TRHDE: variants seen among roughly 807,000 people sequenced by gnomAD.
TRHDE encodes the protein thyrotropin-releasing hormone-degrading ectoenzyme.
TRHDE carries 72 observed loss-of-function variants against 125.7 expected under a neutral mutation model. The ratio of observed to expected loss-of-function variants is 0.57; its 90% CI spans 0.47 to 0.70. TRHDE has a LOEUF of 0.70. TRHDE is among the 30% of genes least tolerant of loss of function. The pLI is 0.00. For synonymous variants in TRHDE, 509 were observed against 509.1 expected, an observed-to-expected ratio of 1.00 and a Z score of 0.00; for missense variants, 1,110 against 1,327.1, an observed-to-expected ratio of 0.84 and a Z score of 2.54.
chr12:72,395,948 T>A (rs1049983436), intron 3 of TRHDE, among the ~76,000 whole-genome samples: 9 of 152,068 alleles, frequency 5.9e-5, no homozygotes, highest in Admixed American at 3.3e-4. Context: ...ACAAAAGCAA[T>A]CAAAAGTAAA....
intron 7 of TRHDE, among the ~76,000 whole-genome samples, chr12:72,545,581 C>CT (rs1396996238): frequency 4.0e-5 from 6 of 151,420 alleles, no homozygotes; most frequent in Non-Finnish European, 7.4e-5. Context: ...GAGTGACTCC[C>CT]TTTTTTTGAA....
intron 2 of TRHDE, among the ~76,000 whole-genome samples, chr12:72,229,239 G>T (rs371584118): frequency 2.6e-5 from 4 of 152,120 alleles, no homozygotes; most frequent in African/African-American, 9.7e-5. Context: ...CATACGGGTG[G>T]GGAGGCCTCA....
At chr12:72,158,297 C>T (rs554839329) in intron 2 of TRHDE, among the ~76,000 whole-genome samples, 2 of 151,756 alleles carry the variant, frequency 1.3e-5, no homozygotes, top group Non-Finnish European at 2.9e-5. Flanking sequence ...TAAACCAGCA[C>T]TTGTACCCCG....
At chr12:72,589,210 A>G (rs1272142500) in intron 12 of TRHDE, among the ~76,000 whole-genome samples, 2 of 152,208 alleles carry the variant, frequency 1.3e-5, no homozygotes, top group African/African-American at 4.8e-5. Context: ...TCCTTTAAAC[A>G]TCAGTCATTA....
chr12:72,309,828 A>G (rs750911671), intron 2 of TRHDE: 17 of 152,282 alleles, frequency 1.1e-4, no homozygotes, highest in Non-Finnish European at 2.4e-4. Context: ...AATGGTTGAT[A>G]CTATGCTATG....
chr12:72,129,014 A>T (rs1875790595), intron 2 of TRHDE, among the ~76,000 whole-genome samples: 1 of 152,232 alleles, frequency 6.6e-6, no homozygotes, highest in Non-Finnish European at 1.5e-5. Flanking sequence ...AACCAGTGTT[A>T]AAGAGGAAAT....
intron 2 of TRHDE, among the ~76,000 whole-genome samples, chr12:72,291,020 G>A (rs1880068829): frequency 6.6e-6 from 1 of 152,132 alleles, no homozygotes; most frequent in Admixed American, 6.5e-5. Flanking sequence ...AACACAGTCG[G>A]CTCTCTGCCT....
chr12:72,157,608 T>G (rs768036922), intron 2 of TRHDE, among the ~76,000 whole-genome samples: 1 of 152,200 alleles, frequency 6.6e-6, no homozygotes, highest in Non-Finnish European at 1.5e-5. Flanking sequence ...TTCCAATAGT[T>G]TGACCTTATA....
chr12:72,542,835 T>C (rs922568898), intron 7 of TRHDE, among the ~76,000 whole-genome samples: 6 of 151,304 alleles, frequency 4.0e-5, no homozygotes, highest in African/African-American at 1.5e-4. Flanking sequence ...TTTATTTTAA[T>C]TAGAAAATAT....
At chr12:72,437,465 G>A (rs1486138940) in intron 3 of TRHDE, among the ~76,000 whole-genome samples, 1 of 151,754 alleles carries the variant, frequency 6.6e-6, no homozygotes, top group Non-Finnish European at 1.5e-5. Context: ...AGTAATTTTT[G>A]TCAAACAATA....
intron 3 of TRHDE, among the ~76,000 whole-genome samples, chr12:72,449,027 A>G (rs1478247616): frequency 6.6e-6 from 1 of 151,996 alleles, no homozygotes; most frequent in East Asian, 1.9e-4. Flanking sequence ...TGTGCCATAT[A>G]TATTTTCTTA....
intron 2 of TRHDE, among the ~76,000 whole-genome samples, chr12:72,369,947 G>C (rs557803918): frequency 6.6e-6 from 1 of 152,224 alleles, no homozygotes; most frequent in East Asian, 1.9e-4. Flanking sequence ...TACTCTCTAT[G>C]TTATGATTAA....
chr12:72,653,002 T>TTCTA lies in TRHDE; in HGVS notation c.2844-10_2844-7dup, dbSNP rs1269036194. The TTCTA allele has an allele frequency of 5.1e-6, 8 of 1,583,272 alleles. No homozygotes were observed. Among genetic ancestry groups the TTCTA allele is most frequent in the Non-Finnish European group, 6.0e-6 (7 of 1,168,728 alleles). On this transcript the variant is annotated splice_polypyrimidine_tract_variant and intron_variant, in intron 16 of 18. Transcript: ENST00000261180. ...TATTGGACTAAAAATTTTTACAAAATTCTATCTTTGAAGGCTTCTAAATCT... is the reference window on the plus strand; with the variant it reads ...TATTGGACTAAAAATTTTTACAAAATTCTATCTATCTTTGAAGGCTTCTAAATCT...
chr12:72,493,158 C>T (rs1021633360), intron 5 of TRHDE, among the ~76,000 whole-genome samples: 1 of 151,696 alleles, frequency 6.6e-6, no homozygotes, highest in African/African-American at 2.4e-5. Context: ...TTGTTTGATT[C>T]CAAGGATTAA....
chr12:72,629,566 G>C (rs1873393310), intron 15 of TRHDE, among the ~76,000 whole-genome samples: 1 of 151,520 alleles, frequency 6.6e-6, no homozygotes, highest in Non-Finnish European at 1.5e-5. Flanking sequence ...ATTCACATGG[G>C]CAACTAAGAA....
At chr12:72,375,762 C>T (rs1871850945) in intron 2 of TRHDE, among the ~76,000 whole-genome samples, 1 of 152,104 alleles carries the variant, frequency 6.6e-6, no homozygotes, top group African/African-American at 2.4e-5. Context: ...GTGATTGTAT[C>T]TTCATTGCTT....
chr12:72,348,959 C>A (rs1870456749), intron 2 of TRHDE, among the ~76,000 whole-genome samples: 1 of 151,562 alleles, frequency 6.6e-6, no homozygotes, highest in African/African-American at 2.4e-5. Context: ...TTTTTTGTTT[C>A]CCTATTTCAT....
At chr12:72,655,869 T>C (rs1332153219) in intron 17 of TRHDE, among the ~76,000 whole-genome samples, 1 of 152,218 alleles carries the variant, frequency 6.6e-6, no homozygotes, top group African/African-American at 2.4e-5. Flanking sequence ...TAGCTTTTTT[T>C]CTGTGGAATA....
At chr12:72,278,021 C>G (rs1003352630) in intron 1 of TRHDE, among the ~76,000 whole-genome samples, 3 of 152,142 alleles carry the variant, frequency 2.0e-5, no homozygotes, top group African/African-American at 7.2e-5. Flanking sequence ...CCTTGCTTTA[C>G]AATAAGTCCC....
Sources: allele counts gnomAD v4.1 joint callset (sites outside exome capture counted in the v4.1 genomes callset), GRCh38; gene constraint gnomAD v4.1.1; transcripts MANE v1.5; gene names NCBI Gene and HGNC (gene_info 2026-07-23, HGNC 2026-07-21).